ADAMTSL1: variants seen among roughly 807,000 people sequenced by gnomAD.
ADAMTSL1 encodes the protein ADAMTS-like protein 1.
ADAMTSL1 carries 126 observed loss-of-function variants against 201.8 expected under a neutral mutation model. The ratio of observed to expected loss-of-function variants is 0.62; its 90% CI spans 0.54 to 0.72. The LOEUF is 0.72. ADAMTSL1 is among the 30% of genes least tolerant of loss of function. The pLI is 0.00. For synonymous variants in ADAMTSL1, 1,121 were observed against 903.4 expected, an observed-to-expected ratio of 1.24 and a Z score of -4.32; for missense variants, 2,679 against 2,277.8, an observed-to-expected ratio of 1.18 and a Z score of -3.59.
intron 2 of ADAMTSL1, among the ~76,000 whole-genome samples, chr9:18,459,665 C>T (rs997747128): frequency 3.3e-5 from 5 of 152,092 alleles, no homozygotes; most frequent in Non-Finnish European, 5.9e-5. Flanking sequence ...GAACATTGAG[C>T]AGTATCAAAT....
intron 2 of ADAMTSL1, among the ~76,000 whole-genome samples, chr9:18,309,522 A>G (rs1004517810): frequency 6.6e-6 from 1 of 152,184 alleles, no homozygotes; most frequent in Non-Finnish European, 1.5e-5. Flanking sequence ...AAAAATCACA[A>G]GCATTCCCAT....
intron 1 of ADAMTSL1, among the ~76,000 whole-genome samples, chr9:18,053,992 C>CT (rs1208578964): frequency 1.8e-3 from 270 of 148,082 alleles, no homozygotes; most frequent in Admixed American, 5.5e-3. Flanking sequence ...TACTGCTTCT[C>CT]TTTTTTTTTT....
intron 1 of ADAMTSL1, among the ~76,000 whole-genome samples, chr9:17,925,086 CA>C (rs546866973): frequency 0.11 from 9,327 of 82,032 alleles, 1,339 homozygotes; most frequent in South Asian, 0.29. Context: ...TTTATGCAGC[CA>C]AAAAACACAT....
At chr9:17,980,743 T>G (rs940823888) in intron 1 of ADAMTSL1, among the ~76,000 whole-genome samples, 5 of 152,178 alleles carry the variant, frequency 3.3e-5, no homozygotes, top group African/African-American at 1.2e-4. Context: ...AGTCTGTATT[T>G]GTTGCTATGG....
chr9:18,419,300 T>A (rs1423036289), intron 2 of ADAMTSL1, among the ~76,000 whole-genome samples: 2 of 152,168 alleles, frequency 1.3e-5, no homozygotes, highest in Non-Finnish European at 2.9e-5. Flanking sequence ...AAAGAGTTCT[T>A]AGACATGACT....
At chr9:18,775,992 G>A in intron 18 of ADAMTSL1, 96 bp downstream of exon 18, 1 of 1,444,464 alleles carries the variant, frequency 6.9e-7, no homozygotes, top group Non-Finnish European at 9.4e-7. Context: ...CAAGACCTGT[G>A]GGAAATAGTG....
intron 1 of ADAMTSL1, among the ~76,000 whole-genome samples, chr9:18,097,317 A>T (rs1824295250): frequency 1.3e-5 from 2 of 152,174 alleles, no homozygotes; most frequent in Admixed American, 1.3e-4. Context: ...CTTTTGATAG[A>T]TATTTGTGTT....
rs1489080667 is a variant in ADAMTSL1 at position 18,777,351 on chromosome 9, C to T, written c.3122C>T (p.Ser1041Leu). The T allele has an allele frequency of 3.1e-6, 5 of 1,601,820 alleles. No individual in the cohort carries two copies. The highest frequency in any genetic ancestry group is 2.3e-5 in the East Asian group (1 of 44,304). Reference sequence around the variant, plus strand: ...GGCTGGCCCGGAGAGCTGCTGGCCTCGTGGGAGGCGCAGGACTCTGCGGAA... The same window carrying T: ...GGCTGGCCCGGAGAGCTGCTGGCCTTGTGGGAGGCGCAGGACTCTGCGGAA... ...QGGWPGELLA[S>L]WEAQDSAERN... The change falls in exon 19 of 29, where the codon TCG (serine) becomes TTG (leucine). Residue 1041 changes from serine to leucine, a missense_variant. Ser to Leu is a moderately radical substitution (Grantham distance 145). Coordinates refer to ENST00000380548, the MANE Select transcript of ADAMTSL1 (RefSeq NM_001040272.6).
intron 2 of ADAMTSL1, among the ~76,000 whole-genome samples, chr9:18,177,869 C>T (rs1436716450): frequency 1.3e-5 from 2 of 152,202 alleles, no homozygotes; most frequent in Non-Finnish European, 2.9e-5. Context: ...GAGCAGCTAA[C>T]AGTCTCTGCC....
chr9:18,085,634 G>T (rs144926218), intron 1 of ADAMTSL1, among the ~76,000 whole-genome samples: 3 of 150,264 alleles, frequency 2.0e-5, no homozygotes, highest in African/African-American at 7.3e-5. Context: ...TACACTGTGT[G>T]TGTATATATA....
At chr9:18,122,336 G>T (rs79392264) in intron 1 of ADAMTSL1, among the ~76,000 whole-genome samples, 1,935 of 152,232 alleles carry the variant, frequency 0.013, 43 homozygotes, top group African/African-American at 0.045. Flanking sequence ...AGCAGCAACA[G>T]GAAACACAGA....
In ADAMTSL1 at chr9:18,777,271, C is replaced by T; in HGVS notation, c.3042C>T (p.Ala1014=). The T allele has an allele frequency of 1.9e-6, 3 of 1,609,440 alleles. No homozygotes were observed. Among genetic ancestry groups the T allele is most frequent in the Non-Finnish European group, 2.5e-6 (3 of 1,178,486 alleles). The part of the protein sequence containing the change: ...NGSKAEKRGL[A]ANPGSRYDDL... ...GCAAGGCGGAGAAGCGGGGCCTGGC[C>T]GCCAACCCGGGGAGCCGCTACGACG... Residue 1014 remains alanine, a synonymous_variant, in exon 19 of 29, where the codon GCC becomes GCT. Coordinates refer to ENST00000380548, the MANE Select transcript of ADAMTSL1 (RefSeq NM_001040272.6).
At chr9:18,776,700 C>A in intron 18 of ADAMTSL1, 81 bp from the exon 19 acceptor site, 1 of 1,411,662 alleles carries the variant, frequency 7.1e-7, no homozygotes. Flanking sequence ...TCCTTTGCCC[C>A]TCTCTCCTGG....
chr9:18,719,227 G>C (rs1323359742), intron 14 of ADAMTSL1, among the ~76,000 whole-genome samples: 1 of 152,074 alleles, frequency 6.6e-6, no homozygotes, highest in Non-Finnish European at 1.5e-5. Flanking sequence ...GCTCCACCCT[G>C]AACTGGCCAT....
At chr9:18,125,129 G>A (rs1423700977) in intron 1 of ADAMTSL1, among the ~76,000 whole-genome samples, 1 of 152,192 alleles carries the variant, frequency 6.6e-6, no homozygotes, top group Non-Finnish European at 1.5e-5. Context: ...AGAGAAAGAG[G>A]TTTAACTGGA....
intron 1 of ADAMTSL1, among the ~76,000 whole-genome samples, chr9:17,991,414 C>G (rs745999796): frequency 5.3e-5 from 8 of 152,122 alleles, no homozygotes; most frequent in Non-Finnish European, 8.8e-5. Flanking sequence ...TAAAAAGGTT[C>G]TAATCCTCTG....
intron 14 of ADAMTSL1, among the ~76,000 whole-genome samples, chr9:18,710,485 G>A (rs1245180511): frequency 6.6e-6 from 1 of 152,116 alleles, no homozygotes; most frequent in Non-Finnish European, 1.5e-5. Context: ...ACTCTGGACT[G>A]CTTCTTAGTC....
chr9:18,472,243 C>G (rs563172703), upstream of ADAMTSL1, among the ~76,000 whole-genome samples: 1 of 152,298 alleles, frequency 6.6e-6, no homozygotes, highest in Non-Finnish European at 1.5e-5. Flanking sequence ...CAATCAATCA[C>G]CTTTCTTTAA....
chr9:18,603,419 T>C (rs990203036), intron 4 of ADAMTSL1, among the ~76,000 whole-genome samples: 5 of 151,516 alleles, frequency 3.3e-5, no homozygotes, highest in Non-Finnish European at 7.4e-5. Flanking sequence ...TGCTATGCTA[T>C]ACTGTGCTAT....
Sources: allele counts gnomAD v4.1 joint callset (sites outside exome capture counted in the v4.1 genomes callset), GRCh38; gene constraint gnomAD v4.1.1; transcripts MANE v1.5; gene names NCBI Gene and HGNC (gene_info 2026-07-23, HGNC 2026-07-21).